Variants in ANXA13 observed in about 807,000 individuals in gnomAD.
ANXA13 encodes the protein annexin XIII.
ANXA13 carries 36 observed loss-of-function variants against 46.6 expected under a neutral mutation model. The ratio of observed to expected loss-of-function variants is 0.77; its 90% CI spans 0.59 to 1.02. The LOEUF (loss-of-function observed/expected upper bound fraction) is 1.02, where lower values mean the gene tolerates loss of function less well. Among genes scored for constraint, ANXA13 ranks in the 50% least tolerant of loss-of-function variants. The pLI, the probability that ANXA13 is intolerant of heterozygous loss-of-function variation, is 0.00. For missense variants in ANXA13, 417 were observed against 396.5 expected (o/e 1.05, Z -0.44); for synonymous variants, 163 against 152.9 (o/e 1.07, Z -0.49).
intron 10 of ANXA13, among the ~76,000 whole-genome samples, 153 bp downstream of exon 10, chr8:123,684,457 A>G (rs1047798713): frequency 3.3e-5 from 5 of 152,232 alleles, no homozygotes; most frequent in Admixed American, 3.3e-4. Context: ...GAAGCAGAGC[A>G]CAATGTCTTC....
chr8:123,691,740 C>A (rs1486537804), intron 8 of ANXA13, among the ~76,000 whole-genome samples: 1 of 152,156 alleles, frequency 6.6e-6, no homozygotes, highest in African/African-American at 2.4e-5. Context: ...CAGGCCCTAG[C>A]CCCGGGGAAT....
intron 2 of ANXA13, among the ~76,000 whole-genome samples, chr8:123,708,783 GC>G (rs1182327160): frequency 1.3e-5 from 2 of 152,166 alleles, no homozygotes; most frequent in Non-Finnish European, 2.9e-5. Flanking sequence ...AGTCCCTCCA[GC>G]AGCCCCGGGG....
chr8:123,696,555 CCCA>C (rs1563608364), intron 4 of ANXA13, among the ~76,000 whole-genome samples: 1 of 85,572 alleles, frequency 1.2e-5, no homozygotes, highest in Non-Finnish European at 3.2e-5. Flanking sequence ...TTCCTGCTCC[CCCA>C]CCCCCCCCAC....
At chr8:123,697,168 C>A (rs1057294073) in intron 4 of ANXA13, among the ~76,000 whole-genome samples, 2 of 152,330 alleles carry the variant, frequency 1.3e-5, no homozygotes, top group African/African-American at 4.8e-5. Flanking sequence ...CTGCTTTGGT[C>A]TCCCAAAGTG....
intron 8 of ANXA13, 55 bp from the exon 9 acceptor site, chr8:123,689,001 C>A (rs969038897): frequency 2.6e-6 from 4 of 1,557,826 alleles, no homozygotes; most frequent in Non-Finnish European, 3.5e-6. Context: ...GACCTTAGTA[C>A]TCTTGGGGTT....
intron 1 of ANXA13, among the ~76,000 whole-genome samples, chr8:123,731,736 T>C (rs1397152570): frequency 1.3e-5 from 2 of 152,012 alleles, no homozygotes; most frequent in African/African-American, 4.8e-5. Flanking sequence ...TAGCTGGGCG[T>C]TGTCATGCTC....
intron 9 of ANXA13, among the ~76,000 whole-genome samples, chr8:123,685,428 G>C (rs996406807): frequency 6.6e-6 from 1 of 151,976 alleles, no homozygotes; most frequent in South Asian, 2.1e-4. Flanking sequence ...TCTTCTCCTG[G>C]GAATAAATCA....
Position 123,689,298 on chromosome 8 carries a change from AT to A in ANXA13, c.643-353del, listed in dbSNP as rs560513221. 4.9e-3 allele frequency among the ~76,000 whole-genome samples: 716 copies of A among 146,962 alleles called. 4 individuals are homozygous for A. The highest frequency in any genetic ancestry group is 7.1e-3 in the African/African-American group (285 of 40,320). On this transcript the variant is annotated intron_variant, in intron 8 of 10. Transcript: ENST00000419625. ...TATATTATATATACTATAATCATAG[AT>A]TTTTTTTTTAACATTGATGTGTAGT...
At chr8:123,712,367 G>A (rs1232151194) in intron 2 of ANXA13, 3 of 353,650 alleles carry the variant, frequency 8.5e-6, no homozygotes, top group East Asian at 1.1e-4. Flanking sequence ...GTCTTTATTA[G>A]CAGTGTGAGA....
At chr8:123,701,006 G>A (rs946816689) in intron 3 of ANXA13, among the ~76,000 whole-genome samples, 1 of 151,998 alleles carries the variant, frequency 6.6e-6, no homozygotes, top group Non-Finnish European at 1.5e-5. Context: ...ATTTTTGGTA[G>A]AGATGAAGGT....
At chr8:123,693,012 C>T (rs1230276101) in intron 8 of ANXA13, among the ~76,000 whole-genome samples, 185 bp downstream of exon 8, 3 of 152,194 alleles carry the variant, frequency 2.0e-5, no homozygotes, top group Non-Finnish European at 4.4e-5. Flanking sequence ...CCACCACCCC[C>T]AGCTGTGACA....
At chr8:123,700,696 TTTTC>T (rs1364737624) in intron 3 of ANXA13, among the ~76,000 whole-genome samples, 8 of 152,262 alleles carry the variant, frequency 5.3e-5, no homozygotes, top group South Asian at 2.1e-4. Flanking sequence ...TGTATCCGAT[TTTTC>T]TTTCTTTCTT....
intron 1 of ANXA13, among the ~76,000 whole-genome samples, chr8:123,736,865 T>TTTTGA (rs1554596851): frequency 6.7e-6 from 1 of 148,762 alleles, no homozygotes; most frequent in African/African-American, 2.5e-5. Flanking sequence ...TTTTTTTTTT[T>TTTTGA]GGGACGGAGT....
rs117321904 is a variant in ANXA13, at chr8:123,732,360, C to T, written c.15+4960G>A. On this transcript the variant is annotated intron_variant, in intron 1 of 10. Coordinates refer to ENST00000419625, the MANE Select transcript of ANXA13 (RefSeq NM_004306.4). ...AGGGTCACTGTTCACACCCTCAAAA[C>T]AGCCCACAGTCTAGTAAGCACTTTA... Among the ~76,000 whole-genome samples the T allele has an allele frequency of 5.4e-4, 83 of 152,334 alleles. No homozygotes were observed. In the East Asian group the frequency reaches 0.015, roughly 28 times the overall value.
chr8:123,688,843 G>T, intron 9 of ANXA13, 28 bp downstream of exon 9: 2 of 1,607,700 alleles, frequency 1.2e-6, no homozygotes, highest in Non-Finnish European at 1.7e-6. Flanking sequence ...CCCAACCTAA[G>T]ACAGGAGCTC....
intron 1 of ANXA13, among the ~76,000 whole-genome samples, chr8:123,731,100 C>G (rs1234605115): frequency 6.6e-6 from 1 of 152,168 alleles, no homozygotes; most frequent in Non-Finnish European, 1.5e-5. Flanking sequence ...ACGTGGAAGG[C>G]TTGTTCAGAT....
At chr8:123,708,835 C>G (rs1028349912) in intron 2 of ANXA13, among the ~76,000 whole-genome samples, 2 of 152,174 alleles carry the variant, frequency 1.3e-5, no homozygotes, top group South Asian at 4.1e-4. Context: ...TGCCGGGAAC[C>G]CTTAGCATTC....
At chr8:123,693,649 G>T in intron 7 of ANXA13, 62 bp downstream of exon 7, 1 of 1,409,746 alleles carries the variant, frequency 7.1e-7, no homozygotes, top group Non-Finnish European at 9.8e-7. Flanking sequence ...AACATTTGTT[G>T]AAAATAATGC....
chr8:123,730,046 T>G (rs150854651), intron 1 of ANXA13, among the ~76,000 whole-genome samples: 93 of 152,294 alleles, frequency 6.1e-4, no homozygotes, highest in African/African-American at 2.1e-3. Flanking sequence ...CTTAGCAAGT[T>G]ATGTTCGTTT....
Sources: allele counts gnomAD v4.1 joint callset (sites outside exome capture counted in the v4.1 genomes callset), GRCh38; gene constraint gnomAD v4.1.1; transcripts MANE v1.5; gene names NCBI Gene and HGNC (gene_info 2026-07-23, HGNC 2026-07-21).